TENM2: variants seen among roughly 807,000 people sequenced by gnomAD.
TENM2 encodes the protein teneurin-2.
TENM2 carries 52 observed loss-of-function variants against 245.2 expected under a neutral mutation model. The observed-to-expected ratio is 0.21, with a 90% CI of 0.17 to 0.27. TENM2 has a LOEUF of 0.27. Among genes scored for constraint, TENM2 ranks in the 10% least tolerant of loss-of-function variants. The pLI is 1.00. For missense variants in TENM2, 3,046 were observed against 3,666.8 expected, an observed-to-expected ratio of 0.83 and a Z score of 4.37; for synonymous variants, 1,363 against 1,438.9, an observed-to-expected ratio of 0.95 and a Z score of 1.19.
intron 2 of TENM2, among the ~76,000 whole-genome samples, chr5:167,726,372 G>A (rs1189524773): frequency 6.6e-6 from 1 of 152,014 alleles, no homozygotes; most frequent in African/African-American, 2.4e-5. Flanking sequence ...TTATTACATT[G>A]TTTATCATGG....
rs534214882 is a variant in TENM2 at position 167,838,215 on chromosome 5, G to A, written c.503-37771G>A. ...GTCGGCAGTGAATATCTGATTACCTGGCTCAAATCTATTTCCAATGTTGGG... is the reference window on the plus strand; with the variant it reads ...GTCGGCAGTGAATATCTGATTACCTAGCTCAAATCTATTTCCAATGTTGGG... On this transcript the variant is annotated intron_variant, in intron 2 of 28. Coordinates refer to ENST00000518659, the Ensembl canonical transcript of TENM2. Among the ~76,000 whole-genome samples, 4 of 152,304 alleles carry A rather than the reference G, an allele frequency of 2.6e-5. No homozygotes were observed. The East Asian group carries it at 5.8e-4, about 22-fold the overall frequency.
chr5:167,902,286 A>G (rs893733691), intron 3 of TENM2, among the ~76,000 whole-genome samples: 2 of 152,194 alleles, frequency 1.3e-5, no homozygotes, highest in Non-Finnish European at 2.9e-5. Flanking sequence ...AAGTGTAAAA[A>G]GTGCTCGACA....
the TENM2 span, among the ~76,000 whole-genome samples, chr5:167,237,965 A>G: frequency 1.1e-4 from 15 of 141,286 alleles, no homozygotes; most frequent in Admixed American, 2.3e-4. Flanking sequence ...AGCCAAGATC[A>G]TGCCACTCCA....
the TENM2 span, among the ~76,000 whole-genome samples, chr5:167,067,280 T>C: frequency 1.3e-5 from 2 of 152,210 alleles, no homozygotes; most frequent in African/African-American, 4.8e-5. Context: ...GAATACCATG[T>C]AATATTTCTA....
chr5:167,413,669 G>A (rs993327049), intron 2 of TENM2, among the ~76,000 whole-genome samples: 5 of 152,004 alleles, frequency 3.3e-5, no homozygotes, highest in African/African-American at 7.2e-5. Flanking sequence ...TATGCTTTAC[G>A]TATAGAACCA....
At chr5:167,894,934 G>A (rs561946742) in intron 3 of TENM2, among the ~76,000 whole-genome samples, 2 of 51,878 alleles carry the variant, frequency 3.9e-5, no homozygotes, top group Admixed American at 2.2e-4. Context: ...AGGAAGGAAG[G>A]AAGGAAGGAA....
In TENM2 at chr5:168,144,621, A is replaced by C. The variant is rs371558928; in HGVS notation, c.2422+17655A>C. On this transcript the variant is annotated intron_variant, in intron 12 of 28. Coordinates refer to ENST00000518659, the Ensembl canonical transcript of TENM2. ...TTGGTTCCAAGTCTTTGCTATTGTG[A>C]ATAATGCCGCAATAAACATACATGT... 1.2e-3 allele frequency among the ~76,000 whole-genome samples: 186 copies of C among 151,134 alleles called. 2 individuals are homozygous for C. The East Asian group carries it at 0.031, about 25-fold the overall frequency.
At chr5:167,968,447 CTA>C (rs1370009789) in intron 4 of TENM2, among the ~76,000 whole-genome samples, 2 of 152,162 alleles carry the variant, frequency 1.3e-5, no homozygotes, top group Non-Finnish European at 2.9e-5. Flanking sequence ...CAATTCTTTT[CTA>C]TGTGTTAAAT....
chr5:167,051,902 A>G, the TENM2 span, among the ~76,000 whole-genome samples: 1 of 152,240 alleles, frequency 6.6e-6, no homozygotes, highest in Non-Finnish European at 1.5e-5. Flanking sequence ...ATTTGTTTTT[A>G]TTTTTCCAAA....
At chr5:167,828,049 T>C (rs1412479509) in intron 2 of TENM2, among the ~76,000 whole-genome samples, 10 of 152,210 alleles carry the variant, frequency 6.6e-5, no homozygotes, top group Admixed American at 5.9e-4. Flanking sequence ...ATGACATTTA[T>C]TTTGCAACCA....
intron 5 of TENM2, among the ~76,000 whole-genome samples, chr5:167,996,701 A>G (rs1391611026): frequency 1.3e-5 from 2 of 148,546 alleles, no homozygotes; most frequent in Non-Finnish European, 3.0e-5. Context: ...AACTAGAAGC[A>G]TTTCCATTTG....
intron 1 of TENM2, among the ~76,000 whole-genome samples, chr5:167,363,121 G>A (rs562887036): frequency 6.6e-6 from 1 of 152,262 alleles, no homozygotes; most frequent in African/African-American, 2.4e-5. Context: ...AAACAAAATA[G>A]AAGAAGAAAT....
At chr5:168,227,113 A>G (rs1054607790) in intron 24 of TENM2, among the ~76,000 whole-genome samples, 2 of 152,238 alleles carry the variant, frequency 1.3e-5, no homozygotes, top group Non-Finnish European at 2.9e-5. Flanking sequence ...CTCAGAGGCC[A>G]GCCCAGGCCA....
At chr5:167,066,210 G>A in the TENM2 span, among the ~76,000 whole-genome samples, 1 of 152,074 alleles carries the variant, frequency 6.6e-6, no homozygotes, top group Admixed American at 6.6e-5. Context: ...GGTTTCTCAT[G>A]GACAAAGGTT....
intron 6 of TENM2, among the ~76,000 whole-genome samples, chr5:168,061,693 G>C (rs1014026904): frequency 6.6e-6 from 1 of 152,032 alleles, no homozygotes; most frequent in African/African-American, 2.4e-5. Context: ...ATTAAATTTG[G>C]TGCCAAATTA....
At chr5:167,511,734 AGAG>A in intron 2 of TENM2, among the ~76,000 whole-genome samples, 1 of 152,194 alleles carries the variant, frequency 6.6e-6, no homozygotes, top group African/African-American at 2.4e-5. Flanking sequence ...CTAAGTTGAA[AGAG>A]AGGTGATCAA....
chr5:167,594,357 C>T (rs1348112341), intron 2 of TENM2, among the ~76,000 whole-genome samples: 1 of 152,096 alleles, frequency 6.6e-6, no homozygotes, highest in Non-Finnish European at 1.5e-5. Context: ...TTATTTTAAT[C>T]TTTAAAACAT....
intron 2 of TENM2, among the ~76,000 whole-genome samples, chr5:167,738,670 G>T (rs1345752472): frequency 6.6e-6 from 1 of 152,142 alleles, no homozygotes; most frequent in Non-Finnish European, 1.5e-5. Flanking sequence ...AGTTCTGGAG[G>T]CTGGAAGTCC....
At chr5:167,985,554 T>C (rs898321741) in intron 4 of TENM2, among the ~76,000 whole-genome samples, 1 of 152,200 alleles carries the variant, frequency 6.6e-6, no homozygotes, top group African/African-American at 2.4e-5. Flanking sequence ...CCTGGTTAGC[T>C]GAGTGGTACA....
Sources: gnomAD v4.1 joint callset for allele counts (sites outside exome capture counted in the v4.1 genomes callset) on GRCh38, gnomAD v4.1.1 for gene constraint, MANE v1.5 for transcripts, NCBI Gene and HGNC (gene_info 2026-07-23, HGNC 2026-07-21) for gene names.